PGS1: variants seen among roughly 807,000 people sequenced by gnomAD.
PGS1 encodes phosphatidylglycerophosphate synthase 1.
In PGS1, 44 loss-of-function variants were observed where a neutral mutation model predicts 58.3. The ratio of observed to expected loss-of-function variants is 0.75; its 90% CI spans 0.59 to 0.97. The LOEUF (loss-of-function observed/expected upper bound fraction) is 0.97, where lower values mean the gene tolerates loss of function less well. PGS1 is among the 50% of genes least tolerant of loss of function. The probability of loss-of-function intolerance (pLI) is 0.00; values close to 1 mark genes in which losing one functional copy is unlikely to be tolerated. For synonymous variants in PGS1, 330 were observed against 311.0 expected, an observed-to-expected ratio of 1.06 and a Z score of -0.64; for missense variants, 684 against 731.1, an observed-to-expected ratio of 0.94 and a Z score of 0.74.
rs374638849 is a variant in PGS1, at chr17:78,399,379, A to G, written c.543A>G (p.Pro181=). 6.2e-7 allele frequency: 1 copy of G among 1,613,670 alleles called. No homozygotes were observed. Among genetic ancestry groups the G allele is most frequent in the Non-Finnish European group, 8.5e-7 (1 of 1,179,904 alleles). The part of the protein sequence containing the change: ...GRKNSRTMLL[P]LLRRFPEQVR... Reference sequence around the variant, plus strand: ...AGAACTCCCGCACAATGCTGCTCCCACTCCTGCGGAGGTTCCCAGAGCAGG... The same window carrying G: ...AGAACTCCCGCACAATGCTGCTCCCGCTCCTGCGGAGGTTCCCAGAGCAGG... Residue 181 remains proline (P), a synonymous_variant, in exon 5 of 10, where the codon CCA becomes CCG. Coordinates refer to ENST00000262764, the MANE Select transcript of PGS1 (RefSeq NM_024419.5).
chr17:78,412,290 G>A (rs2084781098), intron 7 of PGS1, among the ~76,000 whole-genome samples: 2 of 152,120 alleles, frequency 1.3e-5, no homozygotes, highest in African/African-American at 4.8e-5. Context: ...AGATTGCAGT[G>A]CAAATAATTC....
intron 6 of PGS1, among the ~76,000 whole-genome samples, chr17:78,402,442 A>C (rs961589571): frequency 2.7e-5 from 4 of 150,934 alleles, no homozygotes; most frequent in Admixed American, 1.3e-4. Context: ...ACACACACAC[A>C]CATATGTATG....
At chr17:78,399,567 C>T (rs1184640360) in intron 5 of PGS1, 30 bp downstream of exon 5, 3 of 1,608,046 alleles carry the variant, frequency 1.9e-6, no homozygotes, top group Non-Finnish European at 2.6e-6. Flanking sequence ...AGTGCTTTTG[C>T]CCTCCTGCTC....
intron 8 of PGS1, 57 bp downstream of exon 8, chr17:78,415,084 G>A (rs537999427): frequency 6.3e-7 from 1 of 1,594,002 alleles, no homozygotes; most frequent in Non-Finnish European, 8.6e-7. Flanking sequence ...GGGGGCCCAG[G>A]CTCACCCGTG....
At chr17:78,420,273 G>A in intron 9 of PGS1, 1 of 968,154 alleles carries the variant, frequency 1.0e-6, no homozygotes, top group South Asian at 4.7e-5. Flanking sequence ...CCACCCAGGA[G>A]GGGCCTGCCG....
chr17:78,400,601 G>A lies in PGS1; in HGVS notation c.702-76G>A, dbSNP rs1567968837. The A allele has an allele frequency of 2.3e-6, 3 of 1,311,202 alleles. No homozygotes were observed. Among genetic ancestry groups the A allele is most frequent in the African/African-American group, 1.5e-5 (1 of 68,918 alleles). 81.2% of individuals were successfully genotyped at this position (1,311,202 alleles called of 1,614,324 possible). A position where few individuals can be genotyped will look rare whatever the true frequency, so the allele number is the denominator to read the frequency against. On this transcript the variant is annotated intron_variant, in intron 5 of 9. Transcript: ENST00000262764. The surrounding 1 kb of genome is among the most constrained non-coding windows in gnomAD (Gnocchi z 4.4). ...TTGTCACCCCCCTGCTAGTTCACCTGAGACCTGGGTCACCAGGACACGCTG... is the reference window on the plus strand; with the variant it reads ...TTGTCACCCCCCTGCTAGTTCACCTAAGACCTGGGTCACCAGGACACGCTG...
intron 1 of PGS1, among the ~76,000 whole-genome samples, chr17:78,387,723 C>T (rs1236851916): frequency 6.6e-6 from 1 of 152,006 alleles, no homozygotes; most frequent in Non-Finnish European, 1.5e-5. Flanking sequence ...CCTCAGCCTC[C>T]CTGGTAGCTG....
At chr17:78,402,319 A>G (rs142766056) in intron 6 of PGS1, among the ~76,000 whole-genome samples, 158 of 152,158 alleles carry the variant, frequency 1.0e-3, no homozygotes, top group Non-Finnish European at 5.9e-4. Flanking sequence ...TTGTTTTATC[A>G]ATCGTTTATC....
intron 7 of PGS1, among the ~76,000 whole-genome samples, chr17:78,405,047 G>T (rs1361249225): frequency 6.6e-6 from 1 of 151,936 alleles, no homozygotes; most frequent in Admixed American, 6.6e-5. Context: ...GCCCAGGCTG[G>T]AGTGCAGTGG....
chr17:78,396,035 C>T (rs970049878), intron 2 of PGS1, among the ~76,000 whole-genome samples: 1 of 152,262 alleles, frequency 6.6e-6, no homozygotes, highest in African/African-American at 2.4e-5. Context: ...CCACTACACC[C>T]AGCCTGCCTT....
chr17:78,380,706 T>C (rs2081977076), intron 1 of PGS1, among the ~76,000 whole-genome samples: 1 of 152,256 alleles, frequency 6.6e-6, no homozygotes. Flanking sequence ...GTCATTTCCC[T>C]CTATATGTTT....
At chr17:78,398,561 G>A (rs777826742) in intron 4 of PGS1, among the ~76,000 whole-genome samples, 211 of 152,352 alleles carry the variant, frequency 1.4e-3, no homozygotes, top group South Asian at 2.7e-3. Context: ...GGCAGGAGCC[G>A]AGTGCAGTGG....
rs756278042 is a variant in PGS1, at chr17:78,388,500, A to AT, written c.144-3964dup. On this transcript the variant is annotated intron_variant, in intron 1 of 9. Coordinates refer to ENST00000262764, the MANE Select transcript of PGS1 (RefSeq NM_024419.5). ...AGGCACATGCCTCCACGCCTGGCTA[A>AT]TTTTTTTTTTTTATTTTTTATTTTT... is the stretch of plus-strand genomic sequence containing the variant. Among the ~76,000 whole-genome samples, 48 of 139,942 alleles carry AT rather than the reference A, an allele frequency of 3.4e-4. 1 individual carries two copies. The South Asian group carries it at 4.7e-3, about 14-fold the overall frequency. The allele number at this position is 139,942 out of a possible 152,430, so 91.8% of individuals were successfully genotyped here. A position where few individuals can be genotyped will look rare whatever the true frequency, so the allele number is the denominator to read the frequency against.
chr17:78,416,841 G>A (rs1378243827), intron 8 of PGS1, among the ~76,000 whole-genome samples: 2 of 152,118 alleles, frequency 1.3e-5, no homozygotes, highest in Non-Finnish European at 2.9e-5. Context: ...TACAGTGCCC[G>A]GTCCCTAGAG....
rs1203469735 is a variant in PGS1 at position 78,403,589 on chromosome 17, A to G, written c.902A>G (p.Lys301Arg). Residue 301 changes from lysine (K) to arginine (R), a missense_variant, in exon 7 of 10, where the codon AAG becomes AGG. Coordinates refer to ENST00000262764, the MANE Select transcript of PGS1 (RefSeq NM_024419.5). ...CCAGGGGACCGGGCCGAGTACTGCAAGGCAGCCAATAAGAGGGTCATGGAT... is the reference window on the plus strand; with the variant it reads ...CCAGGGGACCGGGCCGAGTACTGCAGGGCAGCCAATAAGAGGGTCATGGAT... The part of the protein sequence containing the change: ...PYKGDRAEYC[K>R]AANKRVMDVI... 1.2e-6 allele frequency: 2 copies of G among 1,612,614 alleles called. No homozygotes were observed. Among genetic ancestry groups the G allele is most frequent in the Admixed American group, 1.7e-5 (1 of 60,002 alleles).
chr17:78,418,202 T>TTAC (rs1365815750), intron 8 of PGS1, among the ~76,000 whole-genome samples: 3 of 152,138 alleles, frequency 2.0e-5, no homozygotes, highest in Non-Finnish European at 4.4e-5. Context: ...AGTGCTGGGA[T>TTAC]TACAGGTGTG....
chr17:78,413,564 C>G (rs1191015345), intron 7 of PGS1, among the ~76,000 whole-genome samples: 2 of 152,160 alleles, frequency 1.3e-5, no homozygotes, highest in Non-Finnish European at 2.9e-5. Flanking sequence ...CACACCTGCT[C>G]ACTCTCATTA....
At chr17:78,419,168 C>T (rs962124722) in intron 8 of PGS1, among the ~76,000 whole-genome samples, 2 of 152,076 alleles carry the variant, frequency 1.3e-5, no homozygotes, top group South Asian at 2.1e-4. Context: ...CCACCATACC[C>T]GGCTAATTTT....
chr17:78,398,113 T>G (rs1567963292), intron 3 of PGS1, 139 bp from the exon 4 acceptor site: 2 of 751,036 alleles, frequency 2.7e-6, no homozygotes, highest in Non-Finnish European at 4.9e-6. Flanking sequence ...TTTTGTGGTG[T>G]TGGTGTCCGA....
Sources: allele counts gnomAD v4.1 joint callset (sites outside exome capture counted in the v4.1 genomes callset), GRCh38; gene constraint gnomAD v4.1.1; non-coding constraint Gnocchi (gnomAD v3.1); transcripts MANE v1.5; gene names NCBI Gene and HGNC (gene_info 2026-07-23, HGNC 2026-07-21).